Variants in PCDHGA7 observed in about 807,000 individuals in gnomAD.
PCDHGA7 encodes the protein protocadherin gamma-A7.
A neutral mutation model predicts 58.3 loss-of-function variants in PCDHGA7; 44 were observed. That is an observed-to-expected ratio of 0.75 (90% confidence interval 0.59 to 0.97). PCDHGA7 has a LOEUF of 0.97. Ranked by LOEUF, PCDHGA7 falls within the 50% of genes least tolerant of loss-of-function variation. PCDHGA7 has a pLI of 0.00. For synonymous variants in PCDHGA7, 516 were observed against 504.2 expected, an observed-to-expected ratio of 1.02 and a Z score of -0.31; for missense variants, 1,266 against 1,188.7, an observed-to-expected ratio of 1.06 and a Z score of -0.96.
intron 1 of PCDHGA7, among the ~76,000 whole-genome samples, chr5:141,452,316 T>C (rs2098738639): frequency 6.6e-6 from 1 of 152,208 alleles, no homozygotes; most frequent in Non-Finnish European, 1.5e-5. Flanking sequence ...ACTCATACTT[T>C]CCTTGTTCCA....
intron 1 of PCDHGA7, chr5:141,388,335 C>G: frequency 1.2e-6 from 2 of 1,613,810 alleles, no homozygotes; most frequent in Non-Finnish European, 1.7e-6. Context: ...GCCTGGCACA[C>G]GATTTATATT....
chr5:141,385,318 A>G lies in PCDHGA7; in HGVS notation c.2419A>G (p.Ile807Val), dbSNP rs373167861. The change falls in exon 1 of 4, where the codon ATT (isoleucine) becomes GTT (valine). Residue 807 changes from isoleucine (I) to valine (V), a missense_variant. Physicochemically the swap from Ile to Val is conservative, Grantham distance 29 (BLOSUM62 3). Transcript: ENST00000518325. ...GGAATGTAAAGAAAACCTGCCAAGT[A>G]TTCAGGTGAGCCCAGCCCTTCCTTT... ...FQECKENLPS[I>V]QQAPPNTDWR... The G allele has an allele frequency of 1.2e-6, 2 of 1,610,212 alleles. No homozygotes were observed. The highest frequency in any genetic ancestry group is 1.7e-6 in the Non-Finnish European group (2 of 1,177,698).
chr5:141,505,377 C>G lies in PCDHGA7; in HGVS notation c.2484-16C>G, dbSNP rs1368451336. 1.9e-6 allele frequency: 3 copies of G among 1,614,036 alleles called. No homozygotes were observed. In the East Asian group the frequency reaches 6.7e-5, roughly 36 times the overall value. On this transcript the variant is annotated splice_polypyrimidine_tract_variant and intron_variant, in intron 2 of 3. Coordinates refer to ENST00000518325, the MANE Select transcript of PCDHGA7 (RefSeq NM_018920.4). Reference sequence around the variant, plus strand: ...CGGCCTGGGAGTCTGTGCTCACCATCCTACTCTCTCCCCAGCTCCCAAAAT... The same window carrying G: ...CGGCCTGGGAGTCTGTGCTCACCATGCTACTCTCTCCCCAGCTCCCAAAAT...
chr5:141,490,686 C>T lies in PCDHGA7; in HGVS notation c.2425-4121C>T. The T allele has an allele frequency of 3.7e-6, 6 of 1,614,196 alleles. No homozygotes were observed. The highest frequency in any genetic ancestry group is 5.1e-6 in the Non-Finnish European group (6 of 1,180,014). ...GCACTGTGGCTGCCTCAGATCCAGA[C>T]ACTGGGGATAATGCCCGCCTCACCT... On this transcript the variant is annotated intron_variant, in intron 1 of 3. Coordinates refer to ENST00000518325, the MANE Select transcript of PCDHGA7 (RefSeq NM_018920.4). This position sits in a 1 kb window ranked among gnomAD's most constrained non-coding sequence, Gnocchi z 5.4.
At chr5:141,404,058 T>C (rs1411363585) in intron 1 of PCDHGA7, 1 of 1,613,778 alleles carries the variant, frequency 6.2e-7, no homozygotes, top group Non-Finnish European at 8.5e-7. Flanking sequence ...ATTCTTCTTT[T>C]CAATGCTCAT....
intron 1 of PCDHGA7, among the ~76,000 whole-genome samples, chr5:141,401,612 C>A (rs1190962219): frequency 6.6e-6 from 1 of 152,146 alleles, no homozygotes; most frequent in Non-Finnish European, 1.5e-5. Context: ...AAAAAGACAC[C>A]GGATTTGTCT....
rs1413288410 is a variant in PCDHGA7 at position 141,392,726 on chromosome 5, T to C, written c.2424+7403T>C. On this transcript the variant is annotated intron_variant, in intron 1 of 3. Transcript: ENST00000518325. The stretch of plus-strand genomic sequence containing the variant: ...GGAGGCACTCCAGGTTTCCGGAGGA[T>C]TGTCATCTCCATAGCTGCGGCAAGA... 4.3e-6 allele frequency: 6 copies of C among 1,399,264 alleles called. No individual in the cohort carries two copies. The African/African-American group carries it at 8.7e-5, about 20-fold the overall frequency. 86.7% of individuals were successfully genotyped at this position (1,399,264 alleles called of 1,614,324 possible).
chr5:141,448,896 G>C (rs560617459), intron 1 of PCDHGA7, among the ~76,000 whole-genome samples: 5 of 152,302 alleles, frequency 3.3e-5, no homozygotes, highest in African/African-American at 1.2e-4. Context: ...AGTGAGCCGA[G>C]ATCGTGCCAC....
intron 3 of PCDHGA7, among the ~76,000 whole-genome samples, chr5:141,506,904 C>T (rs55892286): frequency 0.2 from 30,589 of 152,050 alleles, 3,131 homozygotes; most frequent in Middle Eastern, 0.24. Flanking sequence ...ACTGTCATCA[C>T]ACCTGGGCAC....
rs1201654822 is a variant in PCDHGA7, at chr5:141,476,876, C to T, written c.2425-17931C>T. ...CCAGTCCTTGTACCGGGCGCGCGTC[C>T]TGGAGGATGCACCCTCCGGCACGCG... On this transcript the variant is annotated intron_variant, in intron 1 of 3. Transcript: ENST00000518325. The surrounding 1 kb of genome is among the most constrained non-coding windows in gnomAD (Gnocchi z 7.6). 6.2e-7 allele frequency: 1 copy of T among 1,613,876 alleles called. No homozygotes were observed. The highest frequency in any genetic ancestry group is 1.7e-5 in the Admixed American group (1 of 60,018).
At chr5:141,393,348 T>A in intron 1 of PCDHGA7, 1 of 1,613,848 alleles carries the variant, frequency 6.2e-7, no homozygotes, top group Non-Finnish European at 8.5e-7. Flanking sequence ...TCACCACTTC[T>A]CCCTGGACGT....
In PCDHGA7 at chr5:141,485,956, C is replaced by T. The variant is rs1430530851; in HGVS notation, c.2425-8851C>T. 1 of 1,614,150 alleles carries T rather than the reference C, an allele frequency of 6.2e-7. No individual in the cohort carries two copies. Among genetic ancestry groups the T allele is most frequent in the South Asian group, 1.1e-5 (1 of 91,074 alleles). ...AGAGCGCACCAGCGGGCATGGTGCT[C>T]ATCCAGCTCAATGCCTCAGACCCGG... On this transcript the variant is annotated intron_variant, in intron 1 of 3. Coordinates refer to ENST00000518325, the MANE Select transcript of PCDHGA7 (RefSeq NM_018920.4). This position sits in a 1 kb window ranked among gnomAD's most constrained non-coding sequence, Gnocchi z 5.7.
intron 1 of PCDHGA7, among the ~76,000 whole-genome samples, chr5:141,492,574 G>T (rs2099742096): frequency 6.6e-6 from 1 of 152,232 alleles, no homozygotes; most frequent in Non-Finnish European, 1.5e-5. Flanking sequence ...TGAGCGAGGC[G>T]CGGGGCCAGG....
chr5:141,433,140 CAGGTGATTCGGTATTTTCTAAAG>C (rs2097570930), intron 1 of PCDHGA7: 1 of 1,613,948 alleles, frequency 6.2e-7, no homozygotes, highest in Non-Finnish European at 8.5e-7. Flanking sequence ...CTTTTGCTGT[CAGGTGATTCGGTATTTTCTAAAG>C]ACAGTCATGG....
chr5:141,494,048 G>C (rs764072099), intron 1 of PCDHGA7, among the ~76,000 whole-genome samples: 3 of 152,148 alleles, frequency 2.0e-5, no homozygotes, highest in Non-Finnish European at 2.9e-5. Flanking sequence ...GGCCCTGCTT[G>C]GAGGCTGTGG....
chr5:141,414,572 C>T, intron 1 of PCDHGA7: 1 of 1,613,960 alleles, frequency 6.2e-7, no homozygotes, highest in Non-Finnish European at 8.5e-7. Context: ...ACCTATATCC[C>T]AGAGAACAAC....
At position 141,409,894 on chromosome 5, in the gene PCDHGA7, C is replaced by A. The variant is rs1440813020; in HGVS notation, c.2424+24571C>A. The A allele has an allele frequency of 2.5e-6, 4 of 1,613,196 alleles. No homozygotes were observed. In the Admixed American group the frequency reaches 5.0e-5, roughly 20 times the overall value. ...ATGACAACGCACCGCGGGTGCTGTACCCAGCTCTGGGTCCTGACGGCTCCG... is the reference window on the plus strand; with the variant it reads ...ATGACAACGCACCGCGGGTGCTGTAACCAGCTCTGGGTCCTGACGGCTCCG... On this transcript the variant is annotated intron_variant, in intron 1 of 3. Transcript: ENST00000518325.
chr5:141,425,127 A>G (rs1353123394), intron 1 of PCDHGA7, among the ~76,000 whole-genome samples: 2 of 152,208 alleles, frequency 1.3e-5, no homozygotes, highest in Non-Finnish European at 2.9e-5. Flanking sequence ...CTTGAAGTCA[A>G]GAAAAATGTT....
chr5:141,423,169 C>T (rs747206648), intron 1 of PCDHGA7: 4 of 1,613,460 alleles, frequency 2.5e-6, no homozygotes, highest in Admixed American at 3.3e-5. Flanking sequence ...GGTGGCCGTC[C>T]AGGACCACGG....
Sources: gnomAD v4.1 joint callset for allele counts (sites outside exome capture counted in the v4.1 genomes callset) on GRCh38, gnomAD v4.1.1 for gene constraint, Gnocchi (gnomAD v3.1) non-coding constraint, MANE v1.5 for transcripts, NCBI Gene and HGNC (gene_info 2026-07-23, HGNC 2026-07-21) for gene names.